The following HYDIN variants were observed in gnomAD, a reference collection of about 807,000 sequenced individuals.
The protein encoded by HYDIN is HYDIN axonemal central pair apparatus protein.
In HYDIN, 132 loss-of-function variants were observed where a neutral mutation model predicts 403.9. The ratio of observed to expected loss-of-function variants is 0.33; its 90% CI spans 0.28 to 0.38. The LOEUF is 0.38. Among genes scored for constraint, HYDIN ranks in the 10% least tolerant of loss-of-function variants. The pLI is 1.00. For synonymous variants in HYDIN, 1,202 were observed against 1,891.7 expected (o/e 0.64, Z 9.46); for missense variants, 2,827 against 5,009.5 (o/e 0.56, Z 13.15).
chr16:70,938,630 G>A lies in HYDIN; in HGVS notation c.6979C>T (p.Arg2327Cys), dbSNP rs753881195. The A allele has an allele frequency of 3.4e-5, 54 of 1,601,250 alleles. No individual in the cohort carries two copies. Among genetic ancestry groups the A allele is most frequent in the Non-Finnish European group, 2.9e-5 (34 of 1,170,764 alleles). Reference protein sequence around the residue: ...TFDRGIQQALRERKKREQERL... With the variant: ...TFDRGIQQALCERKKREQERL... ...GGCCCTGACCTCTTCTTCCGCTCGC[G>A]GAGCGCCTGCTGAATCCCCCGATCG... Residue 2327 changes from arginine to cysteine, a missense_variant, in exon 44 of 86, where the codon CGC becomes TGC. Coordinates refer to ENST00000393567, the MANE Select transcript of HYDIN (RefSeq NM_001270974.2).
chr16:71,200,193 A>C (rs1224559255), intron 1 of HYDIN, among the ~76,000 whole-genome samples: 1 of 152,228 alleles, frequency 6.6e-6, no homozygotes, highest in Non-Finnish European at 1.5e-5. Context: ...TGTTTAGCAA[A>C]TCATCAAAGA....
intron 83 of HYDIN, among the ~76,000 whole-genome samples, chr16:70,824,938 C>T (rs903768664): frequency 9.2e-5 from 14 of 151,928 alleles, no homozygotes; most frequent in Non-Finnish European, 1.5e-4. Context: ...CAACCTCAAT[C>T]TCCTGGGCTC....
chr16:71,203,049 A>G (rs2088104175), intron 1 of HYDIN, among the ~76,000 whole-genome samples: 1 of 152,224 alleles, frequency 6.6e-6, no homozygotes, highest in South Asian at 2.1e-4. Flanking sequence ...TGCTGGGCCA[A>G]AAATGAATTT....
At position 70,883,919 on chromosome 16, in the gene HYDIN, C is replaced by T; in HGVS notation, c.9979+1G>A. Reference sequence around the variant, plus strand: ...TGCTGTCCAATGTGAGTGGTCAGTACCTGGTAGACAGGCTTCAGCTAGCAA... The same window carrying T: ...TGCTGTCCAATGTGAGTGGTCAGTATCTGGTAGACAGGCTTCAGCTAGCAA... On this transcript the variant is annotated splice_donor_variant, in intron 59 of 85. Transcript: ENST00000393567. LOFTEE classifies it high-confidence loss of function. 2 of 1,613,282 alleles carry T rather than the reference C, an allele frequency of 1.2e-6. No individual in the cohort carries two copies.
intron 31 of HYDIN, 133 bp from the exon 32 acceptor site, chr16:70,974,803 G>A: frequency 1.4e-6 from 1 of 732,974 alleles, no homozygotes; most frequent in East Asian, 2.7e-5. Context: ...ACAACAAATG[G>A]CTACCCAAAT....
intron 11 of HYDIN, among the ~76,000 whole-genome samples, chr16:71,090,758 G>C (rs1246113793): frequency 1.3e-5 from 2 of 151,886 alleles, no homozygotes; most frequent in Non-Finnish European, 2.9e-5. Flanking sequence ...TTCCACCTCA[G>C]CCTCCCAAAG....
rs553400889 is a variant in HYDIN, at chr16:71,192,713, A to G, written c.-23-5795T>C. Among the ~76,000 whole-genome samples the G allele has an allele frequency of 2.6e-4, 39 of 152,126 alleles. No homozygotes were observed. In the South Asian group the frequency reaches 6.5e-3, roughly 25 times the overall value. ...ACAGGTCCTCGTGCTCACTCCTATC[A>G]TGGTTATTGATCTATCTCTCTCCCT... On this transcript the variant is annotated intron_variant, in intron 1 of 85. Transcript: ENST00000393567.
At chr16:70,893,374 C>G (rs1186473730) in intron 55 of HYDIN, among the ~76,000 whole-genome samples, 1 of 152,084 alleles carries the variant, frequency 6.6e-6, no homozygotes, top group African/African-American at 2.4e-5. Context: ...GGAAGGAGAA[C>G]TTTCCATGGA....
rs201720478 is a variant in HYDIN, at chr16:70,859,097, T to C, written c.12129+971A>G. Among the ~76,000 whole-genome samples the C allele has an allele frequency of 5.3e-5, 8 of 151,162 alleles. No homozygotes were observed. In the South Asian group the frequency reaches 6.3e-4, roughly 12 times the overall value. On this transcript the variant is annotated intron_variant, in intron 71 of 85. Transcript: ENST00000393567. ...CGGGCAGATCACGAGGTCAGGAGAT[T>C]GAGACCATCCTGGCTAACACGGTGA...
At chr16:71,198,905 T>C (rs1028482067) in intron 1 of HYDIN, among the ~76,000 whole-genome samples, 1 of 152,250 alleles carries the variant, frequency 6.6e-6, no homozygotes. Context: ...TAGTTGAGAC[T>C]GAATAGTTTT....
rs758676666 is a variant in HYDIN at position 70,981,515 on chromosome 16, T to C, written c.4386A>G (p.Gly1462=). ...EQVLKVYYLP[G]VPEVFKRSFQ... ...AACTCCTTTTAAAGACCTCAGGTAC[T>C]CCAGGTAGGTAGTAAACTTTTAATA... The change falls in exon 29 of 86, where the codon GGA becomes GGG. Residue 1462 remains glycine, a synonymous_variant. Transcript: ENST00000393567. The C allele has an allele frequency of 1.2e-6, 2 of 1,613,406 alleles. No individual in the cohort carries two copies. Among genetic ancestry groups the C allele is most frequent in the Admixed American group, 1.7e-5 (1 of 59,798 alleles).
chr16:71,043,946 G>A (rs1512595), intron 18 of HYDIN, among the ~76,000 whole-genome samples: 7 of 151,704 alleles, frequency 4.6e-5, no homozygotes, highest in Admixed American at 3.3e-4. Context: ...GAAAGAAAGA[G>A]AGAGAGAGAG....
chr16:70,949,829 C>T (rs1292382192), intron 41 of HYDIN, among the ~76,000 whole-genome samples: 1 of 152,284 alleles, frequency 6.6e-6, no homozygotes, highest in African/African-American at 2.4e-5. Context: ...AGTTTGGAGT[C>T]AGAATTGGGA....
chr16:71,106,493 T>G (rs1156535312), intron 10 of HYDIN, among the ~76,000 whole-genome samples: 4 of 152,154 alleles, frequency 2.6e-5, no homozygotes, highest in African/African-American at 9.7e-5. Flanking sequence ...CTCCACTGAA[T>G]TCTATGCTTT....
chr16:71,063,903 T>C (rs2144281638), intron 16 of HYDIN, among the ~76,000 whole-genome samples: 1 of 150,152 alleles, frequency 6.7e-6, no homozygotes, highest in South Asian at 2.1e-4. Flanking sequence ...GGCTGTGTTC[T>C]GACCAGCAGC....
chr16:71,116,230 C>CA (rs778097586), intron 9 of HYDIN, among the ~76,000 whole-genome samples: 1 of 97,834 alleles, frequency 1.0e-5, no homozygotes, highest in Non-Finnish European at 1.9e-5. Flanking sequence ...TGAGTTAGAC[C>CA]TTTTTTTTTT....
intron 55 of HYDIN, 151 bp downstream of exon 55, chr16:70,894,298 T>A: frequency 1.4e-6 from 1 of 689,748 alleles, no homozygotes; most frequent in East Asian, 2.8e-5. Flanking sequence ...CTTGACTGAC[T>A]GATAAGTTTC....
At chr16:71,218,604 C>A (rs547550419) in intron 1 of HYDIN, among the ~76,000 whole-genome samples, 6 of 152,288 alleles carry the variant, frequency 3.9e-5, no homozygotes, top group Admixed American at 6.5e-5. Flanking sequence ...CTACCACTAA[C>A]AGTTTTAACA....
chr16:70,834,663 C>T (rs1567676787), intron 78 of HYDIN, among the ~76,000 whole-genome samples: 1 of 152,064 alleles, frequency 6.6e-6, no homozygotes, highest in Non-Finnish European at 1.5e-5. Context: ...GCCTGGCCAA[C>T]ATGGCGAAAC....
Sources: gnomAD v4.1 joint callset for allele counts (sites outside exome capture counted in the v4.1 genomes callset) on GRCh38, gnomAD v4.1.1 for gene constraint, MANE v1.5 for transcripts, NCBI Gene and HGNC (gene_info 2026-07-23, HGNC 2026-07-21) for gene names.